Variants in WWOX observed in about 807,000 individuals in gnomAD.
WWOX encodes WW domain-containing oxidoreductase.
WWOX carries 69 observed loss-of-function variants against 46.2 expected under a neutral mutation model. That is an observed-to-expected ratio of 1.49 (90% CI 1.23 to 1.82). The LOEUF (loss-of-function observed/expected upper bound fraction) is 1.82. WWOX is among the 40% of genes most tolerant of loss of function. WWOX has a pLI of 0.00. For missense variants in WWOX, 919 were observed against 542.6 expected, an observed-to-expected ratio of 1.69 and a Z score of -6.89; for synonymous variants, 359 against 202.6, an observed-to-expected ratio of 1.77 and a Z score of -6.56.
At chr16:78,539,329 G>A (rs1252363430) in intron 8 of WWOX, among the ~76,000 whole-genome samples, 1 of 152,182 alleles carries the variant, frequency 6.6e-6, no homozygotes, top group African/African-American at 2.4e-5. Flanking sequence ...GAAATAACTC[G>A]CAAAAATATC....
At chr16:78,268,753 T>C (rs1196297824) in intron 5 of WWOX, among the ~76,000 whole-genome samples, 1 of 152,210 alleles carries the variant, frequency 6.6e-6, no homozygotes, top group East Asian at 1.9e-4. Context: ...ATTTTATAAT[T>C]TTCTGCAAGT....
chr16:78,964,271 G>T (rs1274553104), intron 8 of WWOX, among the ~76,000 whole-genome samples: 1 of 152,234 alleles, frequency 6.6e-6, no homozygotes, highest in African/African-American at 2.4e-5. Context: ...GAGCTTCCTA[G>T]AGACTTGTTG....
At chr16:78,190,343 T>A (rs2035846225) in intron 5 of WWOX, among the ~76,000 whole-genome samples, 1 of 152,174 alleles carries the variant, frequency 6.6e-6, no homozygotes, top group South Asian at 2.1e-4. Context: ...AGCAAAACAG[T>A]TCTTTTGACC....
intron 5 of WWOX, among the ~76,000 whole-genome samples, chr16:78,379,646 G>A (rs1046033476): frequency 3.9e-5 from 6 of 152,210 alleles, no homozygotes; most frequent in South Asian, 2.1e-4. Context: ...AGCATGCTCC[G>A]TAAGACCCAA....
At chr16:78,608,767 G>C (rs1029623820) in intron 8 of WWOX, among the ~76,000 whole-genome samples, 1 of 152,106 alleles carries the variant, frequency 6.6e-6, no homozygotes, top group African/African-American at 2.4e-5. Flanking sequence ...ACTAAAGCCG[G>C]GGTCGCCTGC....
intron 8 of WWOX, among the ~76,000 whole-genome samples, chr16:79,099,404 TA>T (rs1414357993): frequency 6.6e-6 from 1 of 152,100 alleles, no homozygotes; most frequent in Non-Finnish European, 1.5e-5. Context: ...GGGGAGACCA[TA>T]AGGAGTGGTG....
rs188766644 is a variant in WWOX, at chr16:78,324,688, A to G, written c.517-62172A>G. ...GGCTAAGTGAAAGAAGTTAGTTACA[A>G]AAGTCCACATATGGTGAGATTCCGT... is the stretch of plus-strand genomic sequence containing the variant. On this transcript the variant is annotated intron_variant, in intron 5 of 8. Transcript: ENST00000566780. Among the ~76,000 whole-genome samples, 238 of 152,052 alleles carry G rather than the reference A, an allele frequency of 1.6e-3. 1 individual carries two copies. The highest frequency in any genetic ancestry group is 4.9e-3 in the African/African-American group (203 of 41,480).
intron 3 of WWOX, among the ~76,000 whole-genome samples, chr16:78,110,300 A>C (rs1017769401): frequency 6.2e-5 from 9 of 144,198 alleles, no homozygotes; most frequent in Non-Finnish European, 1.2e-4. Flanking sequence ...AGATCGCGCC[A>C]CTGCACTCCA....
chr16:78,358,222 AAAG>A (rs545851348), intron 5 of WWOX, among the ~76,000 whole-genome samples: 80 of 152,374 alleles, frequency 5.3e-4, no homozygotes, highest in African/African-American at 1.6e-3. Flanking sequence ...TTTACAAAAA[AAAG>A]AAGAAAAAGT....
intron 8 of WWOX, among the ~76,000 whole-genome samples, chr16:78,456,648 C>G (rs147685345): frequency 4.8e-3 from 731 of 152,168 alleles, no homozygotes; most frequent in Admixed American, 0.012. Flanking sequence ...TGTGGTGTTT[C>G]TGAAACATCC....
intron 8 of WWOX, among the ~76,000 whole-genome samples, chr16:79,117,938 A>T (rs571925250): frequency 6.6e-6 from 1 of 152,346 alleles, no homozygotes; most frequent in African/African-American, 2.4e-5. Context: ...CCACTCAAAC[A>T]TTCTTCATAT....
chr16:78,794,677 T>G (rs1480339786), intron 8 of WWOX, among the ~76,000 whole-genome samples: 1 of 152,252 alleles, frequency 6.6e-6, no homozygotes, highest in African/African-American at 2.4e-5. Flanking sequence ...TTGCTGTCAT[T>G]CCTGCAGCTG....
chr16:79,037,816 C>G (rs1005300831), intron 8 of WWOX, among the ~76,000 whole-genome samples: 8 of 152,052 alleles, frequency 5.3e-5, no homozygotes, highest in African/African-American at 1.9e-4. Flanking sequence ...GTCAGGAGAT[C>G]TTTCTGCCAG....
intron 8 of WWOX, among the ~76,000 whole-genome samples, chr16:78,470,031 G>T (rs748988618): frequency 4.6e-5 from 7 of 152,220 alleles, no homozygotes; most frequent in Non-Finnish European, 7.3e-5. Context: ...GATAGTAGAA[G>T]TTTATTTCTT....
chr16:78,754,670 C>A (rs1005348995), intron 8 of WWOX, among the ~76,000 whole-genome samples: 1 of 152,108 alleles, frequency 6.6e-6, no homozygotes, highest in African/African-American at 2.4e-5. Context: ...ACAGCCTTGA[C>A]ACAAATAAAG....
At chr16:78,514,088 C>A (rs1396752777) in intron 8 of WWOX, among the ~76,000 whole-genome samples, 3 of 152,122 alleles carry the variant, frequency 2.0e-5, no homozygotes, top group African/African-American at 7.2e-5. Flanking sequence ...TCAAAATCAG[C>A]CAACCCCATA....
intron 5 of WWOX, among the ~76,000 whole-genome samples, chr16:78,333,288 ATCCGCCTGCCTTGGCCTGCCAAAGTGC>A (rs147087947): frequency 0.063 from 9,506 of 151,936 alleles, 405 homozygotes; most frequent in East Asian, 0.18. Flanking sequence ...AGCTCAGGTG[ATCCGCCTGCCTTGGCCTGCCAAAGTGC>A]TGGGATTACA....
chr16:78,769,172 G>A (rs1199282330), intron 8 of WWOX, among the ~76,000 whole-genome samples: 1 of 152,202 alleles, frequency 6.6e-6, no homozygotes, highest in Non-Finnish European at 1.5e-5. Context: ...TGGAAATTAT[G>A]TAAGGGCTGC....
At chr16:79,133,654 G>C (rs1390395470) in intron 8 of WWOX, among the ~76,000 whole-genome samples, 2 of 152,142 alleles carry the variant, frequency 1.3e-5, no homozygotes, top group Admixed American at 6.5e-5. Context: ...TATTTCTGCT[G>C]TCCTTGCCGG....
Sources: gnomAD v4.1 joint callset for allele counts (sites outside exome capture counted in the v4.1 genomes callset) on GRCh38, gnomAD v4.1.1 for gene constraint, MANE v1.5 for transcripts, NCBI Gene and HGNC (gene_info 2026-07-23, HGNC 2026-07-21) for gene names.